NTRK3: variants seen among roughly 807,000 people sequenced by gnomAD.
NTRK3 encodes the protein neurotrophic receptor tyrosine kinase 3.
NTRK3 carries 24 observed loss-of-function variants against 91.7 expected under a neutral mutation model. The observed-to-expected ratio is 0.26, with a 90% CI of 0.19 to 0.37. The LOEUF is 0.37. Among genes scored for constraint, NTRK3 ranks in the 10% least tolerant of loss-of-function variants. The pLI, the probability that NTRK3 is intolerant of heterozygous loss-of-function variation, is 1.00. For missense variants in NTRK3, 880 were observed against 1,068.9 expected (o/e 0.82, Z 2.46); for synonymous variants, 483 against 404.0 (o/e 1.20, Z -2.34).
intron 13 of NTRK3, among the ~76,000 whole-genome samples, chr15:88,121,919 C>A (rs1384560305): frequency 6.6e-6 from 1 of 152,210 alleles, no homozygotes; most frequent in African/African-American, 2.4e-5. Context: ...CCCAAGGTGA[C>A]CCCTTCCCCA....
In NTRK3 at chr15:88,137,364, C is replaced by T. The variant is rs767277914; in HGVS notation, c.622+40G>A. On this transcript the variant is annotated intron_variant, in intron 7 of 18. Coordinates refer to ENST00000394480, the Ensembl canonical transcript of NTRK3. ...CACCATCTCTGGTGTCTGAGGGATGCCTCCCTGGAGCCAGCTGGGCCAGGC... is the reference window on the plus strand; with the variant it reads ...CACCATCTCTGGTGTCTGAGGGATGTCTCCCTGGAGCCAGCTGGGCCAGGC... 2.5e-6 allele frequency: 4 copies of T among 1,609,512 alleles called. No individual in the cohort carries two copies. In the African/African-American group the frequency reaches 5.3e-5, roughly 21 times the overall value.
intron 3 of NTRK3, among the ~76,000 whole-genome samples, chr15:88,197,094 CAAAAAAAAAA>C (rs59553739): frequency 0.017 from 983 of 56,326 alleles, 2 homozygotes; most frequent in African/African-American, 0.044. Flanking sequence ...TTGAGCAGGA[CAAAAAAAAAA>C]AAAAAAAAAA....
chr15:87,908,951 C>T (rs1418299622), intron 17 of NTRK3, among the ~76,000 whole-genome samples: 1 of 152,062 alleles, frequency 6.6e-6, no homozygotes, highest in African/African-American at 2.4e-5. Flanking sequence ...AGCCAACCTA[C>T]TGCTTGGAGA....
At chr15:87,964,456 T>G (rs2072606820) in intron 14 of NTRK3, among the ~76,000 whole-genome samples, 1 of 151,662 alleles carries the variant, frequency 6.6e-6, no homozygotes, top group African/African-American at 2.4e-5. Context: ...ACATATTTAT[T>G]ATATAACTTA....
At chr15:87,965,094 A>C (rs1189010335) in intron 14 of NTRK3, among the ~76,000 whole-genome samples, 1 of 152,246 alleles carries the variant, frequency 6.6e-6, no homozygotes, top group African/African-American at 2.4e-5. Context: ...AGTAATGTGT[A>C]TGTGCATGTG....
At chr15:88,122,207 T>C (rs1294683526) in intron 13 of NTRK3, among the ~76,000 whole-genome samples, 1 of 152,238 alleles carries the variant, frequency 6.6e-6, no homozygotes, top group African/African-American at 2.4e-5. Flanking sequence ...TGTCTACATA[T>C]GGATATACAG....
At chr15:88,097,563 T>C (rs1382739608) in intron 13 of NTRK3, among the ~76,000 whole-genome samples, 2 of 152,224 alleles carry the variant, frequency 1.3e-5, no homozygotes, top group Non-Finnish European at 2.9e-5. Flanking sequence ...ATCTAAGGTA[T>C]AGGATAATCC....
intron 14 of NTRK3, among the ~76,000 whole-genome samples, chr15:87,993,619 C>A (rs1175671770): frequency 6.6e-6 from 1 of 152,122 alleles, no homozygotes; most frequent in South Asian, 2.1e-4. Flanking sequence ...ATCACCTCCC[C>A]CAAAGGCCTA....
At chr15:88,227,985 C>T (rs775190213) in intron 3 of NTRK3, among the ~76,000 whole-genome samples, 1 of 152,214 alleles carries the variant, frequency 6.6e-6, no homozygotes, top group South Asian at 2.1e-4. Context: ...CACCTCTAGA[C>T]ACATAATTCA....
chr15:87,967,646 C>A (rs1269094566), intron 14 of NTRK3, among the ~76,000 whole-genome samples: 1 of 152,164 alleles, frequency 6.6e-6, no homozygotes, highest in Non-Finnish European at 1.5e-5. Flanking sequence ...TTTTGTAAAT[C>A]CTGTTCGTGC....
chr15:87,922,670 G>A (rs1188394676), intron 17 of NTRK3, among the ~76,000 whole-genome samples: 1 of 152,154 alleles, frequency 6.6e-6, no homozygotes, highest in Non-Finnish European at 1.5e-5. Flanking sequence ...AACAATACAG[G>A]CTTTTAGTCA....
chr15:88,056,672 T>C (rs975285549), intron 13 of NTRK3, among the ~76,000 whole-genome samples: 3 of 152,232 alleles, frequency 2.0e-5, no homozygotes, highest in African/African-American at 4.8e-5. Context: ...AGCCTTAGCA[T>C]GGTTCCGCAT....
chr15:88,086,670 C>G (rs2048531522), intron 13 of NTRK3, among the ~76,000 whole-genome samples: 1 of 152,184 alleles, frequency 6.6e-6, no homozygotes. Context: ...GGCTGCATCC[C>G]AGACCAATAA....
rs535041700 is a variant in NTRK3, at chr15:88,133,414, C to T, written c.1204+1687G>A. On this transcript the variant is annotated intron_variant, in intron 10 of 18. Coordinates refer to ENST00000394480, the Ensembl canonical transcript of NTRK3. ...CCCCTGGCAGAAGGAGCCAGAGTGT[C>T]TTCTCCTCCCTCCTGAGCATTCTAG... is the stretch of plus-strand genomic sequence containing the variant. Among the ~76,000 whole-genome samples, 4 of 152,236 alleles carry T rather than the reference C, an allele frequency of 2.6e-5. No individual in the cohort carries two copies. The South Asian group carries it at 8.3e-4, about 32-fold the overall frequency.
intron 14 of NTRK3, among the ~76,000 whole-genome samples, chr15:88,024,616 G>A (rs949916916): frequency 6.6e-6 from 1 of 152,166 alleles, no homozygotes; most frequent in Non-Finnish European, 1.5e-5. Flanking sequence ...GAAATGGGAA[G>A]GGGTGACCAG....
At chr15:88,027,201 A>G (rs1413764869) in intron 14 of NTRK3, among the ~76,000 whole-genome samples, 1 of 152,056 alleles carries the variant, frequency 6.6e-6, no homozygotes, top group African/African-American at 2.4e-5. Context: ...ATGATCTGGA[A>G]CAAGTAGCTT....
intron 13 of NTRK3, among the ~76,000 whole-genome samples, chr15:88,067,958 G>GT (rs1016962729): frequency 3.9e-5 from 6 of 152,230 alleles, no homozygotes; most frequent in South Asian, 2.1e-4. Flanking sequence ...TTTTACAGCA[G>GT]TTTTTTACAG....
intron 3 of NTRK3, among the ~76,000 whole-genome samples, chr15:88,242,264 G>A (rs181002535): frequency 6.6e-6 from 1 of 152,068 alleles, no homozygotes; most frequent in East Asian, 1.9e-4. Context: ...GCCTTTCCGC[G>A]TGGGGCCTCT....
At chr15:88,150,360 G>T (rs2043259275) in intron 5 of NTRK3, among the ~76,000 whole-genome samples, 1 of 152,228 alleles carries the variant, frequency 6.6e-6, no homozygotes, top group Non-Finnish European at 1.5e-5. Context: ...AAGAAAATTG[G>T]ATTCTGAAAG....
Sources: allele counts gnomAD v4.1 joint callset (sites outside exome capture counted in the v4.1 genomes callset), GRCh38; gene constraint gnomAD v4.1.1; transcripts MANE v1.5; gene names NCBI Gene and HGNC (gene_info 2026-07-23, HGNC 2026-07-21).